The following VWA8 variants were observed in gnomAD, a reference collection of about 807,000 sequenced individuals.
The protein encoded by VWA8 is von Willebrand factor A domain containing 8.
In VWA8, 221 loss-of-function variants were observed where a neutral mutation model predicts 241.5. The observed-to-expected ratio is 0.91, with a 90% CI of 0.82 to 1.02. The LOEUF (loss-of-function observed/expected upper bound fraction) is 1.02, where lower values mean the gene tolerates loss of function less well. VWA8 is among the 50% of genes least tolerant of loss of function. VWA8 has a pLI of 0.00. For synonymous variants in VWA8, 852 were observed against 827.1 expected (o/e 1.03, Z -0.52); for missense variants, 2,322 against 2,328.7 (o/e 1.00, Z 0.06).
At chr13:41,637,285 C>T (rs868384263) in intron 37 of VWA8, among the ~76,000 whole-genome samples, 4,760 of 150,518 alleles carry the variant, frequency 0.032, 242 homozygotes, top group African/African-American at 0.11. Context: ...AAGCTGGAAA[C>T]CATCATTCTC....
chr13:41,884,571 T>C (rs1223683597), intron 8 of VWA8, among the ~76,000 whole-genome samples: 1 of 127,902 alleles, frequency 7.8e-6, no homozygotes, highest in African/African-American at 2.6e-5. Flanking sequence ...TACTTCCAAA[T>C]GGTTCAGGAA....
At chr13:41,791,545 G>GAAAC (rs1566459121) in intron 17 of VWA8, among the ~76,000 whole-genome samples, 4 of 151,750 alleles carry the variant, frequency 2.6e-5, no homozygotes, top group African/African-American at 9.7e-5. Context: ...AAACTGGTGT[G>GAAAC]TATTTGTTGT....
chr13:41,926,859 T>C, intron 2 of VWA8: 1 of 577,078 alleles, frequency 1.7e-6, no homozygotes. Context: ...TAATGATATC[T>C]GTGTGGCAAA....
chr13:41,571,828 GC>G (rs34342387), intron 43 of VWA8, among the ~76,000 whole-genome samples: 1 of 151,904 alleles, frequency 6.6e-6, no homozygotes, highest in East Asian at 1.9e-4. Context: ...GATGTGAGGA[GC>G]CCCTCCGACT....
chr13:41,768,141 G>A (rs1449395397), intron 20 of VWA8, among the ~76,000 whole-genome samples: 1 of 152,212 alleles, frequency 6.6e-6, no homozygotes, highest in Non-Finnish European at 1.5e-5. Context: ...GGATCCCCAG[G>A]CTGCTGGAGC....
At chr13:41,835,181 T>C (rs1445612952) in intron 12 of VWA8, among the ~76,000 whole-genome samples, 11 of 152,298 alleles carry the variant, frequency 7.2e-5, no homozygotes, top group East Asian at 1.9e-4. Context: ...CAAACCACCA[T>C]GGCACACGTT....
intron 21 of VWA8, among the ~76,000 whole-genome samples, chr13:41,752,718 C>G (rs887223040): frequency 1.3e-5 from 2 of 152,076 alleles, no homozygotes; most frequent in African/African-American, 4.8e-5. Flanking sequence ...TATTATGTTG[C>G]CTAAATGTTT....
chr13:41,673,809 G>A (rs1174821394), intron 36 of VWA8, among the ~76,000 whole-genome samples: 1 of 152,132 alleles, frequency 6.6e-6, no homozygotes, highest in Non-Finnish European at 1.5e-5. Flanking sequence ...GTGGCCAGCT[G>A]GCTCTGGGCT....
At chr13:41,914,551 G>A (rs558020618) in intron 2 of VWA8, among the ~76,000 whole-genome samples, 2 of 152,068 alleles carry the variant, frequency 1.3e-5, no homozygotes, top group East Asian at 3.9e-4. Context: ...CAAAATAAGA[G>A]TTAAGACACC....
Position 41,830,661 on chromosome 13 carries a change from A to T in VWA8, c.1587-19T>A. ...GATTAACCTAACAAGATAAGAAAAA[A>T]GCCCGAAAATAAATTAATGTGTTTT... On this transcript the variant is annotated intron_variant, in intron 13 of 44. Transcript: ENST00000379310. The T allele has an allele frequency of 6.2e-7, 1 of 1,604,150 alleles. No homozygotes were observed. The highest frequency in any genetic ancestry group is 8.5e-7 in the Non-Finnish European group (1 of 1,173,230).
At chr13:41,640,488 A>G (rs1408400414) in intron 37 of VWA8, among the ~76,000 whole-genome samples, 1 of 151,480 alleles carries the variant, frequency 6.6e-6, no homozygotes, top group Non-Finnish European at 1.5e-5. Context: ...ACTAAGACTA[A>G]GAGAGGAAAT....
intron 35 of VWA8, among the ~76,000 whole-genome samples, 166 bp from the exon 36 acceptor site, chr13:41,675,462 TCAGG>T (rs2045054287): frequency 6.6e-6 from 1 of 152,146 alleles, no homozygotes; most frequent in Non-Finnish European, 1.5e-5. Flanking sequence ...TATGCTTCCC[TCAGG>T]GAAGCATATT....
chr13:41,712,270 G>A (rs753011003), intron 26 of VWA8, among the ~76,000 whole-genome samples: 68 of 152,012 alleles, frequency 4.5e-4, no homozygotes, highest in Admixed American at 2.9e-3. Flanking sequence ...CCAACACATA[G>A]AAATGAGAAA....
rs143145845 is a variant in VWA8, at chr13:41,712,981, C to T, written c.3116+6610G>A. ...CCCTCACTTGATATGTTTATGTTGA[C>T]ACCTACCAATGCATAAACTTACTTA... On this transcript the variant is annotated intron_variant, in intron 26 of 44. Transcript: ENST00000379310. Among the ~76,000 whole-genome samples, 823 of 152,290 alleles carry T rather than the reference C, an allele frequency of 5.4e-3. 7 individuals carry two copies. Among genetic ancestry groups the T allele is most frequent in the African/African-American group, 0.019 (790 of 41,566 alleles).
At chr13:41,646,459 C>G (rs368877216) in intron 37 of VWA8, among the ~76,000 whole-genome samples, 5 of 152,338 alleles carry the variant, frequency 3.3e-5, no homozygotes, top group African/African-American at 1.2e-4. Flanking sequence ...ATTATTTCTA[C>G]TTTGCAGGAC....
chr13:41,587,360 C>T (rs1053758880), intron 42 of VWA8, 152 bp downstream of exon 42: 1 of 952,626 alleles, frequency 1.0e-6, no homozygotes, highest in African/African-American at 1.7e-5. Flanking sequence ...ACAATTACTA[C>T]TTCAGATAAA....
intron 40 of VWA8, among the ~76,000 whole-genome samples, chr13:41,596,062 G>A (rs2044486031): frequency 1.3e-5 from 2 of 151,804 alleles, no homozygotes; most frequent in African/African-American, 4.8e-5. Context: ...ATTTTTATTT[G>A]CAGATAAATT....
chr13:41,579,173 G>C (rs1045117105), intron 42 of VWA8, among the ~76,000 whole-genome samples: 18 of 152,164 alleles, frequency 1.2e-4, no homozygotes, highest in Admixed American at 2.0e-4. Flanking sequence ...TTGTAAGTAG[G>C]TACGAGACAA....
intron 29 of VWA8, among the ~76,000 whole-genome samples, chr13:41,695,332 A>G (rs757581944): frequency 9.9e-5 from 15 of 152,206 alleles, no homozygotes; most frequent in Non-Finnish European, 1.8e-4. Flanking sequence ...TTTAGCAAGG[A>G]ATTTTTGAAC....
Sources: allele counts gnomAD v4.1 joint callset (sites outside exome capture counted in the v4.1 genomes callset), GRCh38; gene constraint gnomAD v4.1.1; transcripts MANE v1.5; gene names NCBI Gene and HGNC (gene_info 2026-07-23, HGNC 2026-07-21).